ANKRD11: variants seen among roughly 807,000 people sequenced by gnomAD.
ANKRD11 encodes the protein ankyrin repeat domain-containing protein 11.
ANKRD11 carries 17 observed loss-of-function variants against 195.7 expected under a neutral mutation model. The ratio of observed to expected loss-of-function variants is 0.09; its 90% CI spans 0.06 to 0.13. The LOEUF is 0.13. ANKRD11 is among the 10% of genes least tolerant of loss of function. The pLI is 1.00. For synonymous variants in ANKRD11, 1,953 were observed against 1,528.1 expected (o/e 1.28, Z -6.49); for missense variants, 3,735 against 3,566.1 (o/e 1.05, Z -1.21).
chr16:89,411,079 A>C (rs2042093065), intron 2 of ANKRD11, among the ~76,000 whole-genome samples: 1 of 151,900 alleles, frequency 6.6e-6, no homozygotes, highest in African/African-American at 2.4e-5. Flanking sequence ...CCAGTGCAGG[A>C]GGCAGGTTCC....
chr16:89,468,542 T>A (rs1232522139), intron 1 of ANKRD11, among the ~76,000 whole-genome samples: 1 of 152,082 alleles, frequency 6.6e-6, no homozygotes, highest in Non-Finnish European at 1.5e-5. Context: ...CTGTCTCTAC[T>A]AAAAATACAA....
chr16:89,288,370 C>T, intron 7 of ANKRD11, 158 bp downstream of exon 7: 1 of 1,185,542 alleles, frequency 8.4e-7, no homozygotes, highest in Non-Finnish European at 1.2e-6. Flanking sequence ...AAGCTGGGGG[C>T]AGACAGAGGG....
At chr16:89,489,521 C>T (rs2057738937) in intron 1 of ANKRD11, among the ~76,000 whole-genome samples, 1 of 151,474 alleles carries the variant, frequency 6.6e-6, no homozygotes, top group Non-Finnish European at 1.5e-5. Context: ...AGTTCGCCCT[C>T]CCCCTCCGGC....
chr16:89,393,887 C>G (rs1567743235), intron 2 of ANKRD11, among the ~76,000 whole-genome samples: 1 of 152,062 alleles, frequency 6.6e-6, no homozygotes, highest in African/African-American at 2.4e-5. Flanking sequence ...GAAAATGTGT[C>G]AAAAAACAAA....
intron 2 of ANKRD11, among the ~76,000 whole-genome samples, chr16:89,325,914 A>G (rs1362442294): frequency 1.3e-5 from 2 of 152,178 alleles, no homozygotes; most frequent in Non-Finnish European, 2.9e-5. Context: ...GGGCATGAGC[A>G]TGACGACGGA....
chr16:89,394,589 C>G (rs1377972760), intron 2 of ANKRD11, among the ~76,000 whole-genome samples: 2 of 151,378 alleles, frequency 1.3e-5, no homozygotes, highest in African/African-American at 4.9e-5. Flanking sequence ...TATCGCACCA[C>G]TGCACTCCAG....
chr16:89,405,715 A>G (rs2041878072), intron 2 of ANKRD11, among the ~76,000 whole-genome samples: 1 of 152,048 alleles, frequency 6.6e-6, no homozygotes, highest in Non-Finnish European at 1.5e-5. Flanking sequence ...AAATGCACCA[A>G]AGCGTCCTCA....
rs376993320 is a variant in ANKRD11 at position 89,453,252 on chromosome 16, T to C, written c.-144-34884A>G. Among the ~76,000 whole-genome samples the C allele has an allele frequency of 4.6e-5, 7 of 152,354 alleles. No homozygotes were observed. In the South Asian group the frequency reaches 1.2e-3, roughly 27 times the overall value. On this transcript the variant is annotated intron_variant, in intron 1 of 12. Transcript: ENST00000301030. ...ACTACTTCTCTGACATTAAATTTTG[T>C]TTCAGTTGCTTACATCAACGTTTCA...
intron 11 of ANKRD11, among the ~76,000 whole-genome samples, chr16:89,273,258 G>C (rs901181467): frequency 5.9e-5 from 9 of 152,160 alleles, no homozygotes; most frequent in Admixed American, 2.6e-4. Context: ...GAAGGTGTTA[G>C]AGGCACGAGC....
At chr16:89,344,734 C>A (rs953743421) in intron 2 of ANKRD11, among the ~76,000 whole-genome samples, 1 of 147,500 alleles carries the variant, frequency 6.8e-6, no homozygotes, top group African/African-American at 2.7e-5. Flanking sequence ...CACGAGGGCA[C>A]GGGAGCACAG....
intron 2 of ANKRD11, among the ~76,000 whole-genome samples, chr16:89,342,359 A>G (rs931593044): frequency 9.2e-5 from 14 of 152,234 alleles, no homozygotes; most frequent in Non-Finnish European, 1.6e-4. Flanking sequence ...TGAGAGTCGG[A>G]AAACGTTGAA....
Position 89,282,953 on chromosome 16 carries a change from T to C in ANKRD11, c.3589A>G (p.Lys1197Glu), listed in dbSNP as rs1475785117. ...DRGAADAGRD[K>E]KEKVFEKHKE... is the part of the protein sequence containing the mutation. The stretch of plus-strand genomic sequence containing the variant: ...TGCTTTTCAAAGACTTTCTCTTTTT[T>C]GTCTCTCCCCGCGTCGGCAGCCCCT... Residue 1197 changes from lysine to glutamate, a missense_variant, in exon 9 of 13, where the codon AAA becomes GAA. Physicochemically the swap from Lys to Glu is moderately conservative, Grantham distance 56. Coordinates refer to ENST00000301030, the MANE Select transcript of ANKRD11 (RefSeq NM_013275.6). 6.2e-7 allele frequency: 1 copy of C among 1,613,356 alleles called. No homozygotes were observed. The highest frequency in any genetic ancestry group is 1.3e-5 in the African/African-American group (1 of 74,900).
intron 2 of ANKRD11, among the ~76,000 whole-genome samples, chr16:89,385,194 T>C (rs2040856216): frequency 6.7e-6 from 1 of 150,264 alleles, no homozygotes; most frequent in African/African-American, 2.5e-5. Context: ...TGGTGTTTTT[T>C]TGTTTGTTTG....
At chr16:89,358,695 G>C (rs1478816649) in intron 2 of ANKRD11, among the ~76,000 whole-genome samples, 4 of 152,192 alleles carry the variant, frequency 2.6e-5, no homozygotes, top group Non-Finnish European at 5.9e-5. Context: ...CAACCCACAA[G>C]CTGCCCTCGC....
At chr16:89,388,635 G>A (rs563477451) in intron 2 of ANKRD11, among the ~76,000 whole-genome samples, 1 of 152,176 alleles carries the variant, frequency 6.6e-6, no homozygotes, top group African/African-American at 2.4e-5. Context: ...GGGGCTGAAG[G>A]AGGCTGCATA....
chr16:89,342,892 G>A (rs868289774), intron 2 of ANKRD11, among the ~76,000 whole-genome samples: 10 of 152,200 alleles, frequency 6.6e-5, no homozygotes, highest in African/African-American at 2.4e-4. Context: ...AAGGGACGGA[G>A]GTGAATGAAA....
In ANKRD11 at chr16:89,440,838, T is replaced by G. The variant is rs551723196; in HGVS notation, c.-144-22470A>C. ...AATCCATGTGGCATCAACAGGAACATCTGTGGCTGTGTGGCAATGCGTGTG... is the reference window on the plus strand; with the variant it reads ...AATCCATGTGGCATCAACAGGAACAGCTGTGGCTGTGTGGCAATGCGTGTG... On this transcript the variant is annotated intron_variant, in intron 1 of 12. Transcript: ENST00000301030. Among the ~76,000 whole-genome samples, 15 of 152,302 alleles carry G rather than the reference T, an allele frequency of 9.8e-5. No individual in the cohort carries two copies. In the East Asian group the frequency reaches 2.9e-3, roughly 29 times the overall value.
At chr16:89,378,724 T>G (rs1239686589) in intron 2 of ANKRD11, among the ~76,000 whole-genome samples, 3 of 152,280 alleles carry the variant, frequency 2.0e-5, no homozygotes, top group East Asian at 3.9e-4. Context: ...GGATTACAGG[T>G]GTGTGCCACC....
At chr16:89,440,838 T>C (rs551723196) in intron 1 of ANKRD11, among the ~76,000 whole-genome samples, 16 of 152,184 alleles carry the variant, frequency 1.1e-4, no homozygotes, top group Non-Finnish European at 1.5e-4. Context: ...AACAGGAACA[T>C]CTGTGGCTGT....
Sources: gnomAD v4.1 joint callset for allele counts (sites outside exome capture counted in the v4.1 genomes callset) on GRCh38, gnomAD v4.1.1 for gene constraint, MANE v1.5 for transcripts, NCBI Gene and HGNC (gene_info 2026-07-23, HGNC 2026-07-21) for gene names.